The following EML5 variants were observed in gnomAD, a reference collection of about 807,000 sequenced individuals.
EML5 encodes echinoderm microtubule-associated protein-like 5.
Under a neutral mutation model 250.0 loss-of-function variants are expected in EML5, and 120 were observed. That is an observed-to-expected ratio of 0.48 (90% CI 0.41 to 0.56). EML5 has a LOEUF of 0.56. Ranked by LOEUF, EML5 falls within the 20% of genes least tolerant of loss-of-function variation. EML5 has a pLI of 0.00. For missense variants in EML5, 2,006 were observed against 2,437.6 expected, an observed-to-expected ratio of 0.82 and a Z score of 3.73; for synonymous variants, 771 against 806.5, an observed-to-expected ratio of 0.96 and a Z score of 0.75.
chr14:88,781,814 C>T (rs552075446), intron 1 of EML5, among the ~76,000 whole-genome samples: 19 of 152,326 alleles, frequency 1.2e-4, no homozygotes, highest in Non-Finnish European at 2.5e-4. Context: ...GAGGCTTCTC[C>T]AGCCCTGCAG....
Position 88,681,962 on chromosome 14 carries a change from C to T in EML5, c.3052G>A (p.Asp1018Asn), listed in dbSNP as rs769960454. 11 of 1,613,430 alleles carry T rather than the reference C, an allele frequency of 6.8e-6. No homozygotes were observed. In the Admixed American group the frequency reaches 1.0e-4, roughly 15 times the overall value. Residue 1018 changes from aspartate (D) to asparagine (N), a missense_variant, in exon 21 of 44, where the codon GAT (aspartate) becomes AAT (asparagine). Around this residue, in one of 7 missense-constraint regions of EML5, gnomAD observed 1,375 missense variants for 1,590.3 expected, o/e 0.86. Transcript: ENST00000554922. ...PYLPICATVS[D>N]DKTLRIWDLS... is the part of the protein sequence containing the mutation. ...TCCCATATTCTTAAGGTTTTATCAT[C>T]GCTTACAGTAGCACAGATGGGCAGA...
chr14:88,681,332 C>CG (rs1478877920), intron 21 of EML5, among the ~76,000 whole-genome samples: 1 of 152,258 alleles, frequency 6.6e-6, no homozygotes, highest in African/African-American at 2.4e-5. Context: ...TGGAATTGGC[C>CG]GGGGGCCGTG....
chr14:88,761,058 TA>T (rs914874269), intron 1 of EML5, among the ~76,000 whole-genome samples: 8 of 152,196 alleles, frequency 5.3e-5, no homozygotes, highest in African/African-American at 1.9e-4. Context: ...TGTGAGTTTT[TA>T]AAAAATAAAT....
rs144854123 is a variant in EML5 at position 88,700,459 on chromosome 14, C to G, written c.2238+1987G>C. 1.7e-3 allele frequency among the ~76,000 whole-genome samples: 266 copies of G among 152,050 alleles called. 1 individual carries two copies. Among genetic ancestry groups the G allele is most frequent in the African/African-American group, 6.1e-3 (254 of 41,472 alleles). On this transcript the variant is annotated intron_variant, in intron 14 of 43. Coordinates refer to ENST00000554922, the MANE Select transcript of EML5 (RefSeq NM_183387.3). ...AGTAGATGGACAAACCAGGAGCATC[C>G]CTGAGTTATTTTCAGGAAACAAAGC... is the stretch of plus-strand genomic sequence containing the variant.
intron 32 of EML5, 40 bp from the exon 33 acceptor site, chr14:88,634,529 G>T (rs1196714103): frequency 1.7e-6 from 2 of 1,211,046 alleles, no homozygotes; most frequent in South Asian, 1.8e-5. Flanking sequence ...ACATAAATCT[G>T]TAAAATCTGT....
intron 21 of EML5, among the ~76,000 whole-genome samples, chr14:88,681,201 A>C (rs897771924): frequency 1.3e-5 from 2 of 152,230 alleles, no homozygotes; most frequent in Non-Finnish European, 1.5e-5. Context: ...GAGAATTAAA[A>C]ACTAGAATAA....
intron 21 of EML5, among the ~76,000 whole-genome samples, chr14:88,676,645 A>G (rs2092600642): frequency 6.6e-6 from 1 of 152,230 alleles, no homozygotes; most frequent in Non-Finnish European, 1.5e-5. Context: ...TAGAATTCAT[A>G]TGGAACCAAA....
intron 4 of EML5, among the ~76,000 whole-genome samples, chr14:88,741,857 T>TA (rs2093929440): frequency 6.6e-6 from 1 of 152,202 alleles, no homozygotes; most frequent in South Asian, 2.1e-4. Context: ...CATATATTCT[T>TA]ATTTTAAAAT....
chr14:88,666,002 T>C (rs1002138888), intron 21 of EML5, among the ~76,000 whole-genome samples: 2 of 152,162 alleles, frequency 1.3e-5, no homozygotes, highest in African/African-American at 4.8e-5. Flanking sequence ...AAGTTTTCTA[T>C]AGAAGTCAAT....
intron 1 of EML5, among the ~76,000 whole-genome samples, chr14:88,760,900 T>A (rs1239510048): frequency 2.6e-5 from 4 of 152,162 alleles, no homozygotes; most frequent in African/African-American, 9.7e-5. Flanking sequence ...ATATAGATAT[T>A]TTTGAGCTTT....
intron 27 of EML5, among the ~76,000 whole-genome samples, chr14:88,654,786 T>G (rs1426143060): frequency 6.6e-6 from 1 of 152,186 alleles, no homozygotes; most frequent in Non-Finnish European, 1.5e-5. Flanking sequence ...TCTGTAGATG[T>G]CTATTAGGTC....
chr14:88,651,554 T>A lies in EML5; in HGVS notation c.4005-1628A>T, dbSNP rs574436663. ...AAATTTATCCAATAAATAATTTTTT[T>A]AAAAAATCAATATAACAAATGAAAG... is the stretch of plus-strand genomic sequence containing the variant. On this transcript the variant is annotated intron_variant, in intron 27 of 43. Coordinates refer to ENST00000554922, the MANE Select transcript of EML5 (RefSeq NM_183387.3). 1.9e-3 allele frequency among the ~76,000 whole-genome samples: 295 copies of A among 152,198 alleles called. 2 individuals carry two copies. In the South Asian group the frequency reaches 0.028, roughly 15 times the overall value.
In EML5 at chr14:88,772,514, G is replaced by A. The variant is rs568019902; in HGVS notation, c.198-17843C>T. On this transcript the variant is annotated intron_variant, in intron 1 of 43. Transcript: ENST00000554922. ...AGCTCATGCCTGTAACAGCACTTTGGGAGGCTGAGGCAGGCAGATCACGAG... is the reference window on the plus strand; with the variant it reads ...AGCTCATGCCTGTAACAGCACTTTGAGAGGCTGAGGCAGGCAGATCACGAG... Among the ~76,000 whole-genome samples, 32 of 152,284 alleles carry A rather than the reference G, an allele frequency of 2.1e-4. 1 individual carries two copies. The South Asian group carries it at 5.0e-3, about 24-fold the overall frequency.
At chr14:88,722,912 T>G (rs193041192) in intron 8 of EML5, among the ~76,000 whole-genome samples, 1 of 151,834 alleles carries the variant, frequency 6.6e-6, no homozygotes, top group Non-Finnish European at 1.5e-5. Flanking sequence ...AAATAAAAAT[T>G]AAAATAAAAA....
intron 4 of EML5, among the ~76,000 whole-genome samples, chr14:88,741,580 C>T (rs78480119): frequency 0.037 from 5,558 of 152,098 alleles, 351 homozygotes; most frequent in African/African-American, 0.13. Flanking sequence ...GTGGCAAACG[C>T]CTGTAGTCTC....
intron 14 of EML5, among the ~76,000 whole-genome samples, chr14:88,699,054 A>G (rs2093147334): frequency 1.3e-5 from 2 of 152,182 alleles, no homozygotes; most frequent in African/African-American, 4.8e-5. Flanking sequence ...AGTATTTAGT[A>G]TAATATTGAG....
rs934447443 is a variant in EML5 at position 88,626,530 on chromosome 14, T to A, written c.4740+308A>T. 36 of 291,812 alleles carry A rather than the reference T, an allele frequency of 1.2e-4. No homozygotes were observed. In the Admixed American group the frequency reaches 1.7e-3, roughly 14 times the overall value. 18.1% of individuals were successfully genotyped at this position (291,812 alleles called of 1,614,324 possible). ...TCCCAGCTACTAAGGAGGCTGAGGA[T>A]CACTTGAACCTGGGAGATGGAGGCT... On this transcript the variant is annotated intron_variant, in intron 35 of 43. Coordinates refer to ENST00000554922, the MANE Select transcript of EML5 (RefSeq NM_183387.3).
intron 30 of EML5, among the ~76,000 whole-genome samples, chr14:88,643,880 T>A (rs1316722140): frequency 2.6e-5 from 4 of 152,308 alleles, no homozygotes; most frequent in South Asian, 4.1e-4. Flanking sequence ...TCGCACAGCT[T>A]TACGCCTTGT....
At position 88,702,421 on chromosome 14, in the gene EML5, C is replaced by T. The variant is rs770017538; in HGVS notation, c.2238+25G>A. 1.6e-5 allele frequency: 25 copies of T among 1,573,986 alleles called. No individual in the cohort carries two copies. The East Asian group carries it at 4.3e-4, about 27-fold the overall frequency. ...TCAAACAAAGGTGTAGCTTATCTGG[C>T]TTATTGTCAGTCTTTCAAACCTACC... is the stretch of plus-strand genomic sequence containing the variant. On this transcript the variant is annotated intron_variant, in intron 14 of 43. Coordinates refer to ENST00000554922, the MANE Select transcript of EML5 (RefSeq NM_183387.3).
Sources: allele counts gnomAD v4.1 joint callset (sites outside exome capture counted in the v4.1 genomes callset), GRCh38; gene constraint gnomAD v4.1.1; regional missense constraint gnomAD v4.1.1; transcripts MANE v1.5; gene names NCBI Gene and HGNC (gene_info 2026-07-23, HGNC 2026-07-21).